Variants in UNC79 observed in about 807,000 individuals in gnomAD.
UNC79 encodes protein unc-79 homolog.
A neutral mutation model predicts 283.1 loss-of-function variants in UNC79; 37 were observed. That is an observed-to-expected ratio of 0.13 (90% CI 0.10 to 0.17). The LOEUF (loss-of-function observed/expected upper bound fraction) is 0.17. Ranked by LOEUF, UNC79 falls within the 10% of genes least tolerant of loss-of-function variation. The pLI, the probability that UNC79 is intolerant of heterozygous loss-of-function variation, is 1.00. For missense variants in UNC79, 2,272 were observed against 3,211.1 expected (o/e 0.71, Z 7.07); for synonymous variants, 1,107 against 1,200.2 (o/e 0.92, Z 1.61).
chr14:93,566,844 C>T (rs2062923106), intron 14 of UNC79, among the ~76,000 whole-genome samples: 2 of 152,078 alleles, frequency 1.3e-5, no homozygotes, highest in South Asian at 2.1e-4. Context: ...GTCTTGATCT[C>T]CTGACCTCGT....
intron 40 of UNC79, among the ~76,000 whole-genome samples, chr14:93,663,952 C>A (rs2071879764): frequency 6.6e-6 from 1 of 152,100 alleles, no homozygotes; most frequent in Non-Finnish European, 1.5e-5. Context: ...AGGGGACCTT[C>A]TAGCATTTGG....
intron 30 of UNC79, among the ~76,000 whole-genome samples, chr14:93,625,523 C>G (rs925192126): frequency 5.3e-5 from 8 of 152,212 alleles, no homozygotes; most frequent in African/African-American, 1.9e-4. Context: ...TCCACCTTAG[C>G]TCAGCTGCTC....
At chr14:93,470,878 A>G (rs1399229750) in intron 2 of UNC79, among the ~76,000 whole-genome samples, 1 of 152,230 alleles carries the variant, frequency 6.6e-6, no homozygotes, top group African/African-American at 2.4e-5. Context: ...TCCTGTGGCC[A>G]TATTTTCAAC....
At chr14:93,431,496 T>C (rs962210172) in intron 1 of UNC79, among the ~76,000 whole-genome samples, 3 of 151,254 alleles carry the variant, frequency 2.0e-5, no homozygotes, top group Admixed American at 2.0e-4. Context: ...GCTGGAGCCA[T>C]AGGGGAGTTT....
intron 48 of UNC79, among the ~76,000 whole-genome samples, chr14:93,705,170 G>A (rs769762028): frequency 2.6e-5 from 4 of 151,974 alleles, no homozygotes; most frequent in Non-Finnish European, 4.4e-5. Flanking sequence ...CCAGGAGTTC[G>A]AGGCTACAGT....
intron 41 of UNC79, among the ~76,000 whole-genome samples, chr14:93,675,256 T>C (rs1216546992): frequency 6.6e-6 from 1 of 152,162 alleles, no homozygotes; most frequent in African/African-American, 2.4e-5. Context: ...CCAATTACTC[T>C]CCTGAAAGTC....
intron 14 of UNC79, among the ~76,000 whole-genome samples, chr14:93,555,992 C>T (rs1008142870): frequency 2.6e-5 from 4 of 152,022 alleles, no homozygotes; most frequent in African/African-American, 9.7e-5. Flanking sequence ...AAGAACAAGG[C>T]CAGGAAAGCA....
intron 4 of UNC79, among the ~76,000 whole-genome samples, chr14:93,481,225 T>C (rs2058122337): frequency 6.6e-6 from 1 of 152,162 alleles, no homozygotes. Context: ...ATAAATAAAA[T>C]ATATTTCTCT....
intron 18 of UNC79, among the ~76,000 whole-genome samples, chr14:93,578,613 C>T (rs897725170): frequency 3.3e-5 from 5 of 152,066 alleles, no homozygotes; most frequent in Admixed American, 2.0e-4. Context: ...CATGTGTATG[C>T]GTTAATTTTT....
At chr14:93,352,513 T>G (rs2053998091) in intron 1 of UNC79, among the ~76,000 whole-genome samples, 1 of 152,210 alleles carries the variant, frequency 6.6e-6, no homozygotes, top group South Asian at 2.1e-4. Flanking sequence ...GGTACCTTAT[T>G]TTGATGAATG....
chr14:93,626,895 G>T (rs565447253), intron 30 of UNC79, among the ~76,000 whole-genome samples: 1 of 152,056 alleles, frequency 6.6e-6, no homozygotes, highest in Non-Finnish European at 1.5e-5. Context: ...TCTAAAAGCT[G>T]TTCATAAGCT....
rs1283965733 is a variant in UNC79, at chr14:93,578,487, T to C, written c.2433+424T>C. On this transcript the variant is annotated intron_variant, in intron 18 of 48. Coordinates refer to ENST00000555664, the Ensembl canonical transcript of UNC79. ...GAACATTTCTTTTTAACCTTTTATT[T>C]TGAAATAATTTCAGATTTGCAGAAA... 3.9e-5 allele frequency among the ~76,000 whole-genome samples: 6 copies of C among 152,212 alleles called. No homozygotes were observed. The South Asian group carries it at 1.2e-3, about 32-fold the overall frequency.
chr14:93,497,102 A>G, intron 6 of UNC79, 55 bp from the exon 7 acceptor site: 1 of 1,565,174 alleles, frequency 6.4e-7, no homozygotes, highest in East Asian at 2.3e-5. Context: ...TGAAGTCTCT[A>G]CCTTTCTTTT....
intron 1 of UNC79, among the ~76,000 whole-genome samples, chr14:93,356,886 A>T (rs2054096516): frequency 6.6e-6 from 1 of 152,212 alleles, no homozygotes; most frequent in Non-Finnish European, 1.5e-5. Context: ...GTTTGGGGGT[A>T]CATGTGCAGA....
rs191372548 is a variant in UNC79 at position 93,662,548 on chromosome 14, T to C, written c.6526-56T>C. ...TAAAGTATCATAAGATTTTAATACT[T>C]TTTTTGAAATGAAGTAATCAGCAAT... On this transcript the variant is annotated intron_variant, in intron 39 of 48. Transcript: ENST00000555664. 3.4e-4 allele frequency: 419 copies of C among 1,219,256 alleles called. 2 individuals are homozygous for C. The African/African-American group carries it at 5.0e-3, about 14-fold the overall frequency. The allele number at this position is 1,219,256 out of a possible 1,614,324, so 75.5% of individuals were successfully genotyped here.
intron 22 of UNC79, among the ~76,000 whole-genome samples, chr14:93,592,821 G>A (rs925820635): frequency 3.1e-4 from 47 of 152,208 alleles, no homozygotes; most frequent in African/African-American, 1.1e-3. Flanking sequence ...GAACTTAGCT[G>A]AAACTTGCTG....
At chr14:93,435,423 C>T (rs990275045) in intron 1 of UNC79, among the ~76,000 whole-genome samples, 2 of 152,148 alleles carry the variant, frequency 1.3e-5, no homozygotes, top group Admixed American at 6.5e-5. Flanking sequence ...AAATTAGCTT[C>T]GCACAGGAAT....
At position 93,421,886 on chromosome 14, in the gene UNC79, C is replaced by G. The variant is rs2055608734; in HGVS notation, c.-350-45785C>G. On this transcript the variant is annotated intron_variant, in intron 1 of 49. Coordinates refer to the UNC79 transcript ENST00000256339. Reference sequence around the variant, plus strand: ...AAATCAATCATGTGAGACATCATATCAACAGAATGAGGGATAAAAACCATA... The same window carrying G: ...AAATCAATCATGTGAGACATCATATGAACAGAATGAGGGATAAAAACCATA... Among the ~76,000 whole-genome samples the G allele has an allele frequency of 4.6e-5, 7 of 151,556 alleles. No individual in the cohort carries two copies. In the South Asian group the frequency reaches 1.5e-3, roughly 32 times the overall value.
At chr14:93,592,481 C>A (rs1483871632) in intron 22 of UNC79, among the ~76,000 whole-genome samples, 6 of 152,110 alleles carry the variant, frequency 3.9e-5, no homozygotes, top group African/African-American at 1.2e-4. Context: ...GCCGACATAA[C>A]TTTTCCTTAA....
Sources: allele counts gnomAD v4.1 joint callset (sites outside exome capture counted in the v4.1 genomes callset), GRCh38; gene constraint gnomAD v4.1.1; transcripts MANE v1.5; gene names NCBI Gene and HGNC (gene_info 2026-07-23, HGNC 2026-07-21).